ANK2: variants seen among roughly 807,000 people sequenced by gnomAD.
ANK2 encodes ankyrin-2.
Under a neutral mutation model 360.5 loss-of-function variants are expected in ANK2, and 83 were observed. The ratio of observed to expected loss-of-function variants is 0.23; its 90% CI spans 0.19 to 0.28. The LOEUF is 0.28. Ranked by LOEUF, ANK2 falls within the 10% of genes least tolerant of loss-of-function variation. ANK2 has a pLI of 1.00. For synonymous variants in ANK2, 1,740 were observed against 1,759.5 expected, an observed-to-expected ratio of 0.99 and a Z score of 0.28; for missense variants, 4,201 against 4,795.7, an observed-to-expected ratio of 0.88 and a Z score of 3.66.
chr4:112,768,524 G>T, the ANK2 span, among the ~76,000 whole-genome samples: 1 of 152,120 alleles, frequency 6.6e-6, no homozygotes, highest in East Asian at 1.9e-4. Context: ...AAAATGGTAG[G>T]ACTACAGGCA....
chr4:113,217,391 C>CAGATATATA (rs2099097100), intron 4 of ANK2, among the ~76,000 whole-genome samples: 2 of 152,030 alleles, frequency 1.3e-5, no homozygotes, highest in Non-Finnish European at 2.9e-5. Flanking sequence ...TATATTTTAA[C>CAGATATATA]CATATATATA....
chr4:113,038,749 T>C (rs191051730), intron 2 of ANK2, among the ~76,000 whole-genome samples: 1 of 152,114 alleles, frequency 6.6e-6, no homozygotes, highest in African/African-American at 2.4e-5. Context: ...AATAAAAGAA[T>C]GCAACTATGT....
At chr4:112,962,242 A>G (rs2035217003) in intron 2 of ANK2, among the ~76,000 whole-genome samples, 1 of 152,026 alleles carries the variant, frequency 6.6e-6, no homozygotes, top group Admixed American at 6.6e-5. Flanking sequence ...TCCCGTGTCT[A>G]TGTCCATGAG....
intron 1 of ANK2, among the ~76,000 whole-genome samples, chr4:113,145,217 T>C (rs145178187): frequency 6.6e-5 from 10 of 152,314 alleles, no homozygotes; most frequent in Admixed American, 2.6e-4. Context: ...TGTGTTTCCA[T>C]TGAATATTAC....
the ANK2 span, among the ~76,000 whole-genome samples, chr4:112,812,967 C>T: frequency 5.3e-5 from 8 of 152,018 alleles, no homozygotes; most frequent in East Asian, 3.9e-4. Context: ...CGGCTGGGCG[C>T]GGTGGCTCAT....
intron 2 of ANK2, among the ~76,000 whole-genome samples, chr4:112,993,734 A>G (rs554963470): frequency 9.7e-5 from 13 of 134,548 alleles, no homozygotes; most frequent in Non-Finnish European, 1.8e-4. Flanking sequence ...TGACACAGGG[A>G]CTCACTCTGT....
At chr4:113,308,930 A>G (rs2078526442) in intron 23 of ANK2, among the ~76,000 whole-genome samples, 2 of 152,044 alleles carry the variant, frequency 1.3e-5, no homozygotes, top group Admixed American at 1.3e-4. Context: ...TTACACTAGC[A>G]GAAATCTTCT....
intron 1 of ANK2, among the ~76,000 whole-genome samples, chr4:113,171,128 G>A (rs2097927087): frequency 6.6e-6 from 1 of 152,158 alleles, no homozygotes; most frequent in Non-Finnish European, 1.5e-5. Context: ...TATTTTAAAA[G>A]CATGCTTTTC....
At chr4:112,715,407 T>A in the ANK2 span, among the ~76,000 whole-genome samples, 1 of 152,054 alleles carries the variant, frequency 6.6e-6, no homozygotes, top group South Asian at 2.1e-4. Context: ...ATTATAAAAA[T>A]AGCATGTGGG....
chr4:113,042,377 T>A (rs985352603), intron 2 of ANK2, among the ~76,000 whole-genome samples: 1 of 152,164 alleles, frequency 6.6e-6, no homozygotes, highest in Non-Finnish European at 1.5e-5. Flanking sequence ...ATTGTGGGAC[T>A]TCTCAGCCTC....
intron 26 of ANK2, among the ~76,000 whole-genome samples, chr4:113,322,669 G>A (rs756473735): frequency 1.3e-5 from 2 of 152,194 alleles, no homozygotes; most frequent in Non-Finnish European, 2.9e-5. Flanking sequence ...CTGGAGGTCT[G>A]TAAGGTTGTC....
At chr4:113,094,815 C>T (rs1224866046) in intron 1 of ANK2, among the ~76,000 whole-genome samples, 2 of 152,138 alleles carry the variant, frequency 1.3e-5, no homozygotes, top group Non-Finnish European at 2.9e-5. Context: ...TGTTGCATTT[C>T]AAAAATTAAG....
chr4:113,020,947 A>T (rs1406519732), intron 2 of ANK2, among the ~76,000 whole-genome samples: 1 of 147,802 alleles, frequency 6.8e-6, no homozygotes, highest in Non-Finnish European at 1.5e-5. Flanking sequence ...CTTTGTGTTC[A>T]GGAAACAGAG....
At chr4:113,033,083 T>G (rs1236684326) in intron 2 of ANK2, among the ~76,000 whole-genome samples, 3 of 152,032 alleles carry the variant, frequency 2.0e-5, no homozygotes, top group Admixed American at 1.3e-4. Flanking sequence ...AAAAATTAAA[T>G]GGTCTCTCTC....
At chr4:113,026,124 C>T (rs762614899) in intron 2 of ANK2, among the ~76,000 whole-genome samples, 1 of 152,120 alleles carries the variant, frequency 6.6e-6, no homozygotes, top group Non-Finnish European at 1.5e-5. Flanking sequence ...TGCCGTAATA[C>T]GTGGCCACGG....
chr4:113,076,341 A>G (rs2079961492), intron 1 of ANK2, among the ~76,000 whole-genome samples: 1 of 152,258 alleles, frequency 6.6e-6, no homozygotes, highest in Non-Finnish European at 1.5e-5. Context: ...TTGTATTCTT[A>G]GGAATTTACT....
At chr4:113,137,264 T>G in intron 1 of ANK2, among the ~76,000 whole-genome samples, 1 of 152,210 alleles carries the variant, frequency 6.6e-6, no homozygotes, top group East Asian at 1.9e-4. Flanking sequence ...GTAAACTCTT[T>G]AGGAGACAGT....
chr4:112,807,910 G>A, the ANK2 span, among the ~76,000 whole-genome samples: 1 of 152,020 alleles, frequency 6.6e-6, no homozygotes, highest in African/African-American at 2.4e-5. Context: ...AATAGAATTG[G>A]GATTTATAAT....
chr4:113,365,382 A>G (rs989548813), intron 41 of ANK2, among the ~76,000 whole-genome samples, 200 bp downstream of exon 41: 1 of 151,684 alleles, frequency 6.6e-6, no homozygotes, highest in Non-Finnish European at 1.5e-5. Context: ...CCTCCGCTTC[A>G]TGCTCATTCT....
Sources: allele counts gnomAD v4.1 joint callset (sites outside exome capture counted in the v4.1 genomes callset), GRCh38; gene constraint gnomAD v4.1.1; transcripts MANE v1.5; gene names NCBI Gene and HGNC (gene_info 2026-07-23, HGNC 2026-07-21).